The following MAST2 variants were observed in gnomAD, a reference collection of about 807,000 sequenced individuals.
MAST2 encodes the protein microtubule-associated serine/threonine-protein kinase 2.
Under a neutral mutation model 147.4 loss-of-function variants are expected in MAST2, and 70 were observed. The observed-to-expected ratio is 0.47, with a 90% CI of 0.39 to 0.58. The LOEUF is 0.58. MAST2 is among the 20% of genes least tolerant of loss of function. The pLI, the probability that MAST2 is intolerant of heterozygous loss-of-function variation, is 0.00. For missense variants in MAST2, 2,080 were observed against 2,302.3 expected (o/e 0.90, Z 1.98); for synonymous variants, 869 against 896.8 (o/e 0.97, Z 0.55).
At chr1:45,858,745 A>G (rs898826160) in intron 3 of MAST2, among the ~76,000 whole-genome samples, 4 of 150,654 alleles carry the variant, frequency 2.7e-5, no homozygotes, top group Non-Finnish European at 5.9e-5. Context: ...TTATGGTTTT[A>G]GGTCTAACAT....
intron 4 of MAST2, among the ~76,000 whole-genome samples, chr1:45,901,643 T>C (rs1057140735): frequency 2.6e-5 from 4 of 152,198 alleles, no homozygotes; most frequent in Admixed American, 2.0e-4. Flanking sequence ...TTTGTTTGTG[T>C]TGTCTGTGAT....
chr1:45,944,511 T>C (rs1348682653), intron 4 of MAST2, among the ~76,000 whole-genome samples: 3 of 152,232 alleles, frequency 2.0e-5, no homozygotes, highest in Non-Finnish European at 2.9e-5. Flanking sequence ...CTGAGGGTAA[T>C]AATGGTCTCA....
At chr1:46,013,590 G>A (rs1645805931) in intron 10 of MAST2, among the ~76,000 whole-genome samples, 1 of 151,850 alleles carries the variant, frequency 6.6e-6, no homozygotes, top group Non-Finnish European at 1.5e-5. Context: ...TGAGGCAGGA[G>A]AATCGCTTGA....
chr1:45,935,904 A>G (rs562919456), intron 4 of MAST2, among the ~76,000 whole-genome samples: 1 of 152,320 alleles, frequency 6.6e-6, no homozygotes, highest in East Asian at 1.9e-4. Flanking sequence ...TATGATTTTT[A>G]GAATAGTTTT....
chr1:46,022,044 T>C lies in MAST2; in HGVS notation c.1385T>C (p.Ile462Thr). ...ATTAAATGTGACATTCCCCGCTACA[T>C]CGTTAGCCAGCTGGGCCTCACCCGG... ...QGIKCDIPRYIVSQLGLTRDP... is the reference protein window; with the variant it reads ...QGIKCDIPRYTVSQLGLTRDP... The change falls in exon 12 of 29, where the codon ATC becomes ACC. Residue 462 changes from isoleucine (I) to threonine (T), a missense_variant. Physicochemically the swap from Ile to Thr is moderately conservative, Grantham distance 89. Coordinates refer to ENST00000361297, the MANE Select transcript of MAST2 (RefSeq NM_015112.3). The C allele has an allele frequency of 6.2e-7, 1 of 1,614,132 alleles. No homozygotes were observed. Among genetic ancestry groups the C allele is most frequent in the Non-Finnish European group, 8.5e-7 (1 of 1,180,008 alleles).
chr1:45,895,499 C>T (rs563368125), intron 4 of MAST2, among the ~76,000 whole-genome samples: 1 of 152,150 alleles, frequency 6.6e-6, no homozygotes, highest in Non-Finnish European at 1.5e-5. Flanking sequence ...CTTTGTTCAT[C>T]TGGGAGCCAA....
At chr1:45,887,183 G>A (rs1647133168) in intron 4 of MAST2, among the ~76,000 whole-genome samples, 1 of 152,196 alleles carries the variant, frequency 6.6e-6, no homozygotes, top group African/African-American at 2.4e-5. Context: ...GCATTTGGGA[G>A]CTTAATGTAA....
chr1:45,914,419 A>T (rs1399679328), intron 4 of MAST2, among the ~76,000 whole-genome samples: 1 of 152,210 alleles, frequency 6.6e-6, no homozygotes, highest in Non-Finnish European at 1.5e-5. Flanking sequence ...TGGGAGTGGA[A>T]GAAGGCTTCC....
At chr1:45,955,508 A>C (rs1346634268) in intron 4 of MAST2, among the ~76,000 whole-genome samples, 1 of 152,216 alleles carries the variant, frequency 6.6e-6, no homozygotes, top group Non-Finnish European at 1.5e-5. Flanking sequence ...GATAAGTGCT[A>C]GGAGAAAAAT....
intron 3 of MAST2, 148 bp downstream of exon 3, chr1:45,829,729 T>A (rs989930942): frequency 3.1e-5 from 28 of 902,212 alleles, no homozygotes; most frequent in Non-Finnish European, 3.9e-5. Context: ...TATTATTATT[T>A]TTTTTAGAGA....
At chr1:45,928,253 T>A (rs913201154) in intron 4 of MAST2, among the ~76,000 whole-genome samples, 3 of 152,230 alleles carry the variant, frequency 2.0e-5, no homozygotes, top group African/African-American at 7.2e-5. Flanking sequence ...CATCTATACA[T>A]ATTTGTATCT....
chr1:45,970,611 T>C (rs1643875740), intron 5 of MAST2, among the ~76,000 whole-genome samples: 1 of 136,922 alleles, frequency 7.3e-6, no homozygotes, highest in Non-Finnish European at 1.5e-5. Flanking sequence ...GAGCTTGCAG[T>C]GAGCCCAGAT....
chr1:45,872,426 A>G (rs1365699170), intron 3 of MAST2, among the ~76,000 whole-genome samples: 1 of 151,072 alleles, frequency 6.6e-6, no homozygotes, highest in African/African-American at 2.4e-5. Context: ...ATTGTGAATA[A>G]TGAGTAGTGC....
chr1:45,855,909 C>T (rs1174732768), intron 3 of MAST2, among the ~76,000 whole-genome samples: 2 of 152,004 alleles, frequency 1.3e-5, no homozygotes, highest in South Asian at 2.1e-4. Flanking sequence ...ACTTCAGGAG[C>T]CTAATTTGGG....
chr1:45,847,306 C>A, intron 3 of MAST2: 1 of 502,204 alleles, frequency 2.0e-6, no homozygotes, highest in South Asian at 1.6e-5. Flanking sequence ...TCCTGCTTGT[C>A]CCTGATACTG....
chr1:46,006,103 C>T, intron 7 of MAST2, 138 bp from the exon 8 acceptor site: 1 of 777,532 alleles, frequency 1.3e-6, no homozygotes, highest in South Asian at 2.1e-5. Flanking sequence ...ACAGGCAAGG[C>T]TAAGGGAGTA....
chr1:46,017,003 C>G (rs528348821), intron 10 of MAST2, among the ~76,000 whole-genome samples: 76 of 151,696 alleles, frequency 5.0e-4, no homozygotes, highest in Non-Finnish European at 8.1e-4. Context: ...CAGAACAGAG[C>G]CCTCAGAAAT....
At chr1:45,963,486 G>T (rs1660733559) in intron 5 of MAST2, among the ~76,000 whole-genome samples, 1 of 152,146 alleles carries the variant, frequency 6.6e-6, no homozygotes, top group Non-Finnish European at 1.5e-5. Flanking sequence ...CACATCCCTT[G>T]TAAGTTGGAT....
intron 3 of MAST2, among the ~76,000 whole-genome samples, chr1:45,842,990 G>C (rs764281118): frequency 6.6e-6 from 1 of 152,126 alleles, no homozygotes; most frequent in Non-Finnish European, 1.5e-5. Flanking sequence ...ATCCTGGTGA[G>C]TATGAAGTGG....
Sources: gnomAD v4.1 joint callset for allele counts (sites outside exome capture counted in the v4.1 genomes callset) on GRCh38, gnomAD v4.1.1 for gene constraint, MANE v1.5 for transcripts, NCBI Gene and HGNC (gene_info 2026-07-23, HGNC 2026-07-21) for gene names.